SYNPO2: variants seen among roughly 807,000 people sequenced by gnomAD.
SYNPO2 encodes synaptopodin-2.
A neutral mutation model predicts 85.0 loss-of-function variants in SYNPO2; 56 were observed. The ratio of observed to expected loss-of-function variants is 0.66; its 90% CI spans 0.53 to 0.82. The LOEUF is 0.82. SYNPO2 is among the 40% of genes least tolerant of loss of function. The probability of loss-of-function intolerance (pLI) is 0.00; values close to 1 mark genes in which losing one functional copy is unlikely to be tolerated. For synonymous variants in SYNPO2, 602 were observed against 591.1 expected (o/e 1.02, Z -0.27); for missense variants, 1,575 against 1,534.2 (o/e 1.03, Z -0.44).
intron 1 of SYNPO2, among the ~76,000 whole-genome samples, chr4:118,987,800 T>A (rs191313557): frequency 1.3e-5 from 2 of 152,200 alleles, no homozygotes; most frequent in East Asian, 3.8e-4. Context: ...TTTTAAAACA[T>A]CCATTTTTAT....
At chr4:119,018,288 A>G (rs1365858612) in intron 1 of SYNPO2, among the ~76,000 whole-genome samples, 1 of 152,176 alleles carries the variant, frequency 6.6e-6, no homozygotes, top group Non-Finnish European at 1.5e-5. Context: ...TTCATTTTTT[A>G]TGACTGAATA....
At chr4:118,992,543 CTTATTA>C (rs1736452995) in intron 1 of SYNPO2, among the ~76,000 whole-genome samples, 1 of 152,060 alleles carries the variant, frequency 6.6e-6, no homozygotes, top group South Asian at 2.1e-4. Context: ...GTGACAATGC[CTTATTA>C]TTATTAGGAA....
intron 1 of SYNPO2, among the ~76,000 whole-genome samples, chr4:118,961,636 T>A (rs1320898997): frequency 6.6e-6 from 1 of 152,190 alleles, no homozygotes; most frequent in Non-Finnish European, 1.5e-5. Flanking sequence ...TTTTTTGTGT[T>A]TATTGTTAGC....
chr4:118,905,295 C>T (rs1378670558), intron 1 of SYNPO2, among the ~76,000 whole-genome samples: 1 of 152,220 alleles, frequency 6.6e-6, no homozygotes, highest in Non-Finnish European at 1.5e-5. Flanking sequence ...TCTCTATTCA[C>T]TGCTCCTATT....
At chr4:118,969,917 ATTG>A (rs895181377) in intron 1 of SYNPO2, among the ~76,000 whole-genome samples, 22 of 152,260 alleles carry the variant, frequency 1.4e-4, no homozygotes, top group Non-Finnish European at 3.1e-4. Flanking sequence ...GGAATGTTCT[ATTG>A]TTTGCATTTA....
rs1202728433 is a variant in SYNPO2, at chr4:119,030,094, C to A, written c.1319C>A (p.Ala440Glu). The A allele has an allele frequency of 1.2e-6, 2 of 1,613,948 alleles. No homozygotes were observed. The highest frequency in any genetic ancestry group is 2.7e-5 in the African/African-American group (2 of 74,870). Residue 440 changes from alanine to glutamate, a missense_variant, in exon 4 of 5, where the codon GCA becomes GAA. By Grantham distance (107) the Ala-to-Glu change is moderately radical. Around this residue, in one of 3 missense-constraint regions of SYNPO2, gnomAD observed 1,508 missense variants for 1,446.8 expected, o/e 1.04. Coordinates refer to ENST00000307142, the MANE Select transcript of SYNPO2 (RefSeq NM_133477.3). ...ACATGTGAAGTAGCATTTCTTGGTGCAAGCGAATCAGAGGTGGATGAAGAG... is the reference window on the plus strand; with the variant it reads ...ACATGTGAAGTAGCATTTCTTGGTGAAAGCGAATCAGAGGTGGATGAAGAG... ...EDTCEVAFLG[A>E]SESEVDEELL...
intron 1 of SYNPO2, among the ~76,000 whole-genome samples, chr4:118,964,962 A>G (rs2149151015): frequency 6.6e-6 from 1 of 152,256 alleles, no homozygotes; most frequent in East Asian, 1.9e-4. Flanking sequence ...CTTCCATTTC[A>G]TGTCCTTTCG....
chr4:118,949,934 A>G (rs1230610304), intron 1 of SYNPO2, among the ~76,000 whole-genome samples: 1 of 152,176 alleles, frequency 6.6e-6, no homozygotes, highest in Non-Finnish European at 1.5e-5. Context: ...ATGATTTATA[A>G]TGAAAGTTAC....
intron 1 of SYNPO2, among the ~76,000 whole-genome samples, chr4:118,986,052 C>G (rs1026763359): frequency 2.6e-5 from 4 of 152,214 alleles, no homozygotes; most frequent in Admixed American, 6.5e-5. Flanking sequence ...AAGGATGTGA[C>G]TCTATGAAAG....
intron 1 of SYNPO2, among the ~76,000 whole-genome samples, chr4:118,866,873 A>C (rs1475746595): frequency 1.3e-5 from 2 of 152,174 alleles, no homozygotes; most frequent in African/African-American, 4.8e-5. Flanking sequence ...TTTTCTTCAT[A>C]AATCACCCAG....
chr4:118,991,081 T>C (rs1736397860), intron 1 of SYNPO2, among the ~76,000 whole-genome samples: 2 of 152,328 alleles, frequency 1.3e-5, no homozygotes, highest in Middle Eastern at 3.4e-3. Context: ...GGACTTTAAA[T>C]TCAACTTCCC....
chr4:119,007,253 C>CATATATATAT (rs59327133), intron 1 of SYNPO2, among the ~76,000 whole-genome samples: 2 of 38,146 alleles, frequency 5.2e-5, no homozygotes, highest in African/African-American at 9.6e-5. Context: ...TATGTATATA[C>CATATATATAT]ATATATATAT....
intron 1 of SYNPO2, among the ~76,000 whole-genome samples, chr4:118,921,902 C>A (rs373437934): frequency 3.9e-5 from 6 of 152,088 alleles, no homozygotes; most frequent in Non-Finnish European, 5.9e-5. Flanking sequence ...CTCCAGATAG[C>A]CAGTCTTGGC....
At chr4:118,980,706 A>G (rs1389102961) in intron 1 of SYNPO2, among the ~76,000 whole-genome samples, 1 of 152,250 alleles carries the variant, frequency 6.6e-6, no homozygotes, top group Non-Finnish European at 1.5e-5. Context: ...GAAAAGAAGC[A>G]CATATATAGA....
chr4:119,008,677 A>C (rs1242930786), intron 1 of SYNPO2, among the ~76,000 whole-genome samples: 1 of 152,206 alleles, frequency 6.6e-6, no homozygotes, highest in Non-Finnish European at 1.5e-5. Context: ...AGATTATAAA[A>C]GTTCATCTCA....
At chr4:118,891,780 A>G (rs956434038) in intron 1 of SYNPO2, among the ~76,000 whole-genome samples, 1 of 152,202 alleles carries the variant, frequency 6.6e-6, no homozygotes, top group Admixed American at 6.5e-5. Flanking sequence ...CTGTCAAATC[A>G]AATGTTCACA....
chr4:118,898,736 C>T (rs1224893836), intron 1 of SYNPO2, among the ~76,000 whole-genome samples: 4 of 152,216 alleles, frequency 2.6e-5, no homozygotes, highest in East Asian at 1.9e-4. Flanking sequence ...CACAGGCCGA[C>T]GGCCCCGCTG....
chr4:119,025,790 A>G (rs1737910649), intron 2 of SYNPO2, among the ~76,000 whole-genome samples: 1 of 152,270 alleles, frequency 6.6e-6, no homozygotes, highest in African/African-American at 2.4e-5. Context: ...AGTTTAAATT[A>G]GAGTTTCAGA....
chr4:118,924,094 TA>T (rs1157656339), intron 1 of SYNPO2, among the ~76,000 whole-genome samples: 1 of 152,168 alleles, frequency 6.6e-6, no homozygotes, highest in Admixed American at 6.6e-5. Flanking sequence ...ATCAAAGATT[TA>T]AATGTGAAAG....
Sources: allele counts gnomAD v4.1 joint callset (sites outside exome capture counted in the v4.1 genomes callset), GRCh38; gene constraint gnomAD v4.1.1; regional missense constraint gnomAD v4.1.1; transcripts MANE v1.5; gene names NCBI Gene and HGNC (gene_info 2026-07-23, HGNC 2026-07-21).